MYOZ2: variants seen among roughly 807,000 people sequenced by gnomAD.
MYOZ2 encodes myozenin 2.
A neutral mutation model predicts 25.4 loss-of-function variants in MYOZ2; 19 were observed. The ratio of observed to expected loss-of-function variants is 0.75; its 90% CI spans 0.52 to 1.10. The LOEUF (loss-of-function observed/expected upper bound fraction) is 1.10, where lower values mean the gene tolerates loss of function less well. Ranked by LOEUF, MYOZ2 falls within the 50% of genes least tolerant of loss-of-function variation. MYOZ2 has a pLI of 0.00. For synonymous variants in MYOZ2, 92 were observed against 106.9 expected, an observed-to-expected ratio of 0.86 and a Z score of 0.86; for missense variants, 270 against 317.9, an observed-to-expected ratio of 0.85 and a Z score of 1.15.
chr4:119,164,374 T>A lies in MYOZ2; in HGVS notation c.540T>A (p.Pro180=), dbSNP rs759989431. The change falls in exon 5 of 6, where the codon CCT becomes CCA. Residue 180 remains proline, a synonymous_variant. Coordinates refer to ENST00000307128, the MANE Select transcript of MYOZ2 (RefSeq NM_016599.5). ...AGCCTGAAGGAAAGGCAGAACTGCC[T>A]GATTACAGGAGCTTTAACAGGTAAT... The part of the protein sequence containing the change: ...LFKPEGKAEL[P]DYRSFNRVAT... 6.2e-7 allele frequency: 1 copy of A among 1,614,064 alleles called. No individual in the cohort carries two copies. The highest frequency in any genetic ancestry group is 1.7e-5 in the Admixed American group (1 of 60,022).
chr4:119,172,995 A>C (rs1303625736), intron 5 of MYOZ2, among the ~76,000 whole-genome samples: 1 of 152,358 alleles, frequency 6.6e-6, no homozygotes, highest in South Asian at 2.1e-4. Flanking sequence ...CTGCAAAATA[A>C]ATTCTATAAT....
At chr4:119,185,372 T>A (rs955856125) in intron 5 of MYOZ2, among the ~76,000 whole-genome samples, 1 of 152,114 alleles carries the variant, frequency 6.6e-6, no homozygotes, top group African/African-American at 2.4e-5. Context: ...TAGAGTGCAG[T>A]GGCATGATCT....
chr4:119,182,087 A>G (rs1299376637), intron 5 of MYOZ2, among the ~76,000 whole-genome samples: 4 of 152,232 alleles, frequency 2.6e-5, no homozygotes, highest in African/African-American at 4.8e-5. Flanking sequence ...CATAATAAAA[A>G]CTTCTTAAAA....
chr4:119,177,487 A>G (rs762062756), intron 5 of MYOZ2, among the ~76,000 whole-genome samples: 2 of 152,182 alleles, frequency 1.3e-5, no homozygotes, highest in Non-Finnish European at 2.9e-5. Context: ...TTGTCCTAGA[A>G]GACAATTCAC....
chr4:119,172,707 T>TC (rs1741972279), intron 5 of MYOZ2, among the ~76,000 whole-genome samples: 1 of 152,146 alleles, frequency 6.6e-6, no homozygotes, highest in South Asian at 2.1e-4. Context: ...AGCAATCTAG[T>TC]CCCCAGGCAG....
At chr4:119,139,922 A>G (rs1454332617) in intron 2 of MYOZ2, among the ~76,000 whole-genome samples, 1 of 146,022 alleles carries the variant, frequency 6.8e-6, no homozygotes, top group East Asian at 2.0e-4. Context: ...TTTCCCCAGC[A>G]CACTGAAGAG....
At chr4:119,156,597 A>G (rs1367480443) in intron 3 of MYOZ2, among the ~76,000 whole-genome samples, 1 of 152,166 alleles carries the variant, frequency 6.6e-6, no homozygotes, top group African/African-American at 2.4e-5. Context: ...CCCAAAATAG[A>G]TCTTTTAAAA....
At chr4:119,146,728 A>G (rs1359518633) in intron 2 of MYOZ2, among the ~76,000 whole-genome samples, 1 of 152,206 alleles carries the variant, frequency 6.6e-6, no homozygotes, top group Non-Finnish European at 1.5e-5. Context: ...AATGTCAATT[A>G]AGTCCTATTC....
At chr4:119,169,405 A>G (rs1225418371) in intron 5 of MYOZ2, among the ~76,000 whole-genome samples, 1 of 152,222 alleles carries the variant, frequency 6.6e-6, no homozygotes, top group East Asian at 1.9e-4. Context: ...GAATAAGACC[A>G]AAGGACATAA....
chr4:119,141,304 G>C (rs1014766597), intron 2 of MYOZ2, among the ~76,000 whole-genome samples: 1 of 152,184 alleles, frequency 6.6e-6, no homozygotes, highest in Admixed American at 6.5e-5. Context: ...CTATGGATTA[G>C]ATTAACTCAT....
intron 4 of MYOZ2, among the ~76,000 whole-genome samples, chr4:119,161,565 A>G (rs1578736878): frequency 2.6e-5 from 4 of 152,276 alleles, no homozygotes; most frequent in Middle Eastern, 7.0e-3. Context: ...CTGAATTGTA[A>G]TATTTCTGTG....
At chr4:119,143,234 C>T (rs1209851079) in intron 2 of MYOZ2, among the ~76,000 whole-genome samples, 1 of 150,934 alleles carries the variant, frequency 6.6e-6, no homozygotes, top group Non-Finnish European at 1.5e-5. Context: ...CTTGCTCTGT[C>T]ACCTAGGCTG....
At chr4:119,160,879 T>C (rs1353339911) in intron 4 of MYOZ2, among the ~76,000 whole-genome samples, 1 of 151,962 alleles carries the variant, frequency 6.6e-6, no homozygotes, top group Non-Finnish European at 1.5e-5. Context: ...GTATTCAATA[T>C]CCTCCTTCTA....
chr4:119,150,776 A>G, intron 2 of MYOZ2, 96 bp from the exon 3 acceptor site: 1 of 1,238,486 alleles, frequency 8.1e-7, no homozygotes, highest in Non-Finnish European at 1.2e-6. Context: ...ATGATTATGC[A>G]ATTAGAAAGT....
intron 4 of MYOZ2, among the ~76,000 whole-genome samples, chr4:119,160,760 T>G (rs1741690760): frequency 6.6e-6 from 1 of 152,086 alleles, no homozygotes; most frequent in African/African-American, 2.4e-5. Context: ...TAGCCCTAAT[T>G]AATATCGTTT....
intron 4 of MYOZ2, among the ~76,000 whole-genome samples, chr4:119,158,645 G>A (rs11730138): frequency 0.38 from 57,515 of 152,010 alleles, 11,399 homozygotes; most frequent in Non-Finnish European, 0.45. Context: ...GTAGCCATAC[G>A]TTCTTTGTTT....
chr4:119,157,896 C>T, intron 3 of MYOZ2, 126 bp from the exon 4 acceptor site: 8 of 1,179,152 alleles, frequency 6.8e-6, no homozygotes, highest in Non-Finnish European at 9.8e-6. Flanking sequence ...ATTGAGGTCC[C>T]AGGAAGTAAT....
intron 5 of MYOZ2, among the ~76,000 whole-genome samples, chr4:119,172,687 G>A (rs992776494): frequency 6.6e-6 from 1 of 152,200 alleles, no homozygotes; most frequent in African/African-American, 2.4e-5. Flanking sequence ...TGATTTGTTA[G>A]TTCTGCAAGA....
At chr4:119,156,070 G>A (rs1193587627) in intron 3 of MYOZ2, among the ~76,000 whole-genome samples, 1 of 151,978 alleles carries the variant, frequency 6.6e-6, no homozygotes, top group African/African-American at 2.4e-5. Flanking sequence ...AAATGAAACA[G>A]GACACAAAAT....
Sources: allele counts gnomAD v4.1 joint callset (sites outside exome capture counted in the v4.1 genomes callset), GRCh38; gene constraint gnomAD v4.1.1; transcripts MANE v1.5; gene names NCBI Gene and HGNC (gene_info 2026-07-23, HGNC 2026-07-21).